The following DACH2 variants were observed in gnomAD, a reference collection of about 807,000 sequenced individuals.
The protein encoded by DACH2 is dachshund homolog 2.
A neutral mutation model predicts 35.8 loss-of-function variants in DACH2; 17 were observed. The observed-to-expected ratio is 0.48, with a 90% CI of 0.33 to 0.71. The LOEUF is 0.71. Ranked by LOEUF, DACH2 falls within the 30% of genes least tolerant of loss-of-function variation. DACH2 has a pLI of 0.02. For missense variants in DACH2, 469 were observed against 472.7 expected, an observed-to-expected ratio of 0.99 and a Z score of 0.07; for synonymous variants, 195 against 177.3, an observed-to-expected ratio of 1.10 and a Z score of -0.79.
intron 1 of DACH2, among the ~76,000 whole-genome samples, chrX:86,211,559 G>C (rs2147913861): frequency 9.0e-6 from 1 of 111,192 alleles, no homozygotes; most frequent in Non-Finnish European, 1.9e-5. Flanking sequence ...TCTTATGAAT[G>C]ATACAGAAAA....
intron 1 of DACH2, among the ~76,000 whole-genome samples, chrX:86,320,131 C>A (rs2034989200): frequency 9.0e-6 from 1 of 111,197 alleles, no homozygotes; most frequent in Non-Finnish European, 1.9e-5. Context: ...AGTCCCTGGC[C>A]ACCAGAAGTT....
At chrX:86,653,652 G>GAT (rs2040504300) in intron 4 of DACH2, among the ~76,000 whole-genome samples, 1 of 103,493 alleles carries the variant, frequency 9.7e-6, no homozygotes, top group African/African-American at 3.5e-5. Context: ...AGTTTGGCCG[G>GAT]ATATAAAATC....
chrX:86,549,557 A>C (rs949106882), intron 3 of DACH2, among the ~76,000 whole-genome samples: 1 of 110,289 alleles, frequency 9.1e-6, no homozygotes, highest in Non-Finnish European at 1.9e-5. Flanking sequence ...ATAAGTTACG[A>C]ATACTATTTA....
intron 2 of DACH2, among the ~76,000 whole-genome samples, chrX:86,482,020 A>C (rs1296596526): frequency 8.9e-6 from 1 of 112,194 alleles, no homozygotes; most frequent in African/African-American, 3.2e-5. Context: ...ATTTTAAATC[A>C]TGATCAACTG....
intron 5 of DACH2, among the ~76,000 whole-genome samples, chrX:86,697,210 G>A (rs1016939016): frequency 1.8e-5 from 2 of 111,306 alleles, no homozygotes; most frequent in African/African-American, 6.5e-5. Context: ...TTTAACTATC[G>A]CCACAGTAGT....
At chrX:86,685,971 C>T (rs984304677) in intron 4 of DACH2, among the ~76,000 whole-genome samples, 38 of 110,881 alleles carry the variant, frequency 3.4e-4, no homozygotes, top group Non-Finnish European at 5.7e-4. Context: ...TTATTTACTG[C>T]GAAGTGACTT....
chrX:86,399,933 G>A (rs1468029020), intron 2 of DACH2, among the ~76,000 whole-genome samples: 2 of 111,710 alleles, frequency 1.8e-5, no homozygotes, highest in African/African-American at 6.5e-5. Flanking sequence ...GGCCTGCCTT[G>A]CTAGATTGGG....
chrX:86,336,462 T>C (rs1223583447), intron 1 of DACH2, among the ~76,000 whole-genome samples: 2 of 111,141 alleles, frequency 1.8e-5, no homozygotes, highest in African/African-American at 6.6e-5. Flanking sequence ...GGGTCTGGAG[T>C]GGACCTTCAG....
chrX:86,231,962 T>A (rs776342312), intron 1 of DACH2, among the ~76,000 whole-genome samples: 1 of 111,165 alleles, frequency 9.0e-6, no homozygotes, highest in African/African-American at 3.3e-5. Flanking sequence ...CTCTCTAACT[T>A]GACTCAGCTC....
chrX:86,540,741 T>G (rs1274492031), intron 3 of DACH2, among the ~76,000 whole-genome samples: 1 of 111,791 alleles, frequency 8.9e-6, no homozygotes, highest in Non-Finnish European at 1.9e-5. Context: ...TGCTTTATGT[T>G]GTAATTTTTA....
At chrX:86,273,924 C>G (rs1312159958) in intron 1 of DACH2, among the ~76,000 whole-genome samples, 5 of 112,097 alleles carry the variant, frequency 4.5e-5, no homozygotes, top group African/African-American at 1.6e-4. Flanking sequence ...TTCTTTTGAT[C>G]TTTACAGAAT....
At chrX:86,250,856 A>G (rs1323576796) in intron 1 of DACH2, among the ~76,000 whole-genome samples, 1 of 111,509 alleles carries the variant, frequency 9.0e-6, no homozygotes, top group African/African-American at 3.2e-5. Context: ...TTTTAAAGGT[A>G]AGTGGAGCAT....
At chrX:86,475,846 G>A (rs2037834870) in intron 2 of DACH2, among the ~76,000 whole-genome samples, 1 of 110,802 alleles carries the variant, frequency 9.0e-6, no homozygotes, top group Admixed American at 9.6e-5. Flanking sequence ...TTATTATGTT[G>A]AGGTATGTTC....
At chrX:86,254,138 C>A (rs1186117190) in intron 1 of DACH2, among the ~76,000 whole-genome samples, 1 of 111,669 alleles carries the variant, frequency 9.0e-6, no homozygotes, top group Non-Finnish European at 1.9e-5. Context: ...ATATTCTTTG[C>A]ATGTGGCATT....
intron 6 of DACH2, among the ~76,000 whole-genome samples, chrX:86,719,591 A>G (rs1217228049): frequency 8.9e-6 from 1 of 111,832 alleles, no homozygotes; most frequent in Non-Finnish European, 1.9e-5. Flanking sequence ...TACCTCAGGA[A>G]ACTTACAACC....
chrX:86,526,251 T>G (rs1459264061), intron 3 of DACH2, among the ~76,000 whole-genome samples: 2 of 111,708 alleles, frequency 1.8e-5, no homozygotes, highest in Non-Finnish European at 3.8e-5. Context: ...CATTTCCTAT[T>G]GAAGAATTAA....
At chrX:86,728,983 C>A (rs1429067727) in intron 6 of DACH2, among the ~76,000 whole-genome samples, 2 of 112,510 alleles carry the variant, frequency 1.8e-5, no homozygotes, top group African/African-American at 6.5e-5. Flanking sequence ...CCCACTGGGG[C>A]ACTGCCTAGT....
intron 7 of DACH2, among the ~76,000 whole-genome samples, chrX:86,793,807 A>G (rs747973053): frequency 8.9e-6 from 1 of 112,249 alleles, no homozygotes; most frequent in South Asian, 3.6e-4. Flanking sequence ...TACCTTGTAC[A>G]GAAAGAGTAA....
chrX:86,566,224 T>A (rs1319717758), intron 3 of DACH2, among the ~76,000 whole-genome samples: 1 of 111,992 alleles, frequency 8.9e-6, no homozygotes, highest in Non-Finnish European at 1.9e-5. Flanking sequence ...ACATTTGTGT[T>A]TCTTATAGTA....
Sources: allele counts gnomAD v4.1 joint callset (sites outside exome capture counted in the v4.1 genomes callset), GRCh38; gene constraint gnomAD v4.1.1; transcripts MANE v1.5; gene names NCBI Gene and HGNC (gene_info 2026-07-23, HGNC 2026-07-21).